Variants in SPTBN2 observed in about 807,000 individuals in gnomAD.
The protein encoded by SPTBN2 is spectrin beta, non-erythrocytic 2, also known as spectrin beta chain, non-erythrocytic 2.
SPTBN2 carries 107 observed loss-of-function variants against 284.2 expected under a neutral mutation model. That is an observed-to-expected ratio of 0.38 (90% CI 0.32 to 0.44). SPTBN2 has a LOEUF of 0.44. Among genes scored for constraint, SPTBN2 ranks in the 20% least tolerant of loss-of-function variants. SPTBN2 has a pLI of 1.00. For synonymous variants in SPTBN2, 1,289 were observed against 1,354.8 expected (o/e 0.95, Z 1.07); for missense variants, 2,569 against 3,287.1 (o/e 0.78, Z 5.34).
intron 3 of SPTBN2, among the ~76,000 whole-genome samples, chr11:66,716,474 C>T (rs1385612627): frequency 5.4e-5 from 8 of 148,294 alleles, no homozygotes; most frequent in Admixed American, 3.4e-4. Flanking sequence ...AGCAAGACTC[C>T]GTCTCAAAAA....
At position 66,718,898 on chromosome 11, in the gene SPTBN2, G is replaced by A. The variant is rs556736452; in HGVS notation, c.157+2186C>T. 3.9e-4 allele frequency among the ~76,000 whole-genome samples: 60 copies of A among 152,312 alleles called. No individual in the cohort carries two copies. The highest frequency in any genetic ancestry group is 7.5e-4 in the Non-Finnish European group (51 of 68,014). On this transcript the variant is annotated intron_variant, in intron 3 of 37. Coordinates refer to ENST00000533211, the MANE Select transcript of SPTBN2 (RefSeq NM_006946.4). This position sits in a 1 kb window ranked among gnomAD's most constrained non-coding sequence, Gnocchi z 4.8. ...GAGGGGAGAGAGGCGGAGTGTGGCC[G>A]GCGGGGGCAGGGCCAGGCCCTGCGG... is the stretch of plus-strand genomic sequence containing the variant.
intron 17 of SPTBN2, 36 bp from the exon 18 acceptor site, chr11:66,699,644 C>T (rs952119835): frequency 3.7e-6 from 6 of 1,610,094 alleles, no homozygotes; most frequent in Non-Finnish European, 5.1e-6. Context: ...TCATTTTCCC[C>T]AGCACAATTC....
exon 1 of SPTBN2, chr11:66,744,606 G>A (rs1300523686): frequency 4.2e-6 from 1 of 239,178 alleles, no homozygotes; most frequent in African/African-American, 2.3e-5. Flanking sequence ...CGGGCCCACT[G>A]GCACCCGCGG....
chr11:66,687,580 GCC>G lies in SPTBN2; in HGVS notation c.6567_6568del (p.Ala2190ProfsTer98). 6.2e-7 allele frequency: 1 copy of G among 1,611,116 alleles called. No individual in the cohort carries two copies. Among genetic ancestry groups the G allele is most frequent in the Non-Finnish European group, 8.5e-7 (1 of 1,179,626 alleles). ...CCTGCTCTGGGGCATTGCAGATGGG[GCC>G]GGGCCCCGAGTCCGGGTCTGCCTCT... is the stretch of plus-strand genomic sequence containing the variant. On this transcript the variant is annotated frameshift_variant, in exon 35 of 38. Transcript: ENST00000533211. LOFTEE classifies it high-confidence loss of function. This position sits in a 1 kb window ranked among gnomAD's most constrained non-coding sequence, Gnocchi z 5.2.
In SPTBN2 at chr11:66,687,912, G is replaced by C; in HGVS notation, c.6457C>G (p.Leu2153Val). Reference protein sequence around the residue: ...CTDGEPSQPLLGQQRLEHSSF... With the variant: ...CTDGEPSQPLVGQQRLEHSSF... The stretch of plus-strand genomic sequence containing the variant: ...CTGTGCTCAAGTCTCTGTTGTCCCA[G>C]CAGGGGCTGCAAGGACAAGAATCTG... Residue 2153 changes from leucine to valine, a missense_variant, in exon 34 of 38, where the codon CTG becomes GTG. Physicochemically the swap from Leu to Val is conservative, Grantham distance 32. Around this residue, in one of 6 missense-constraint regions of SPTBN2, gnomAD observed 1,130 missense variants for 1,317.3 expected, o/e 0.86. Transcript: ENST00000533211. This position sits in a 1 kb window ranked among gnomAD's most constrained non-coding sequence, Gnocchi z 5.2. 6.2e-7 allele frequency: 1 copy of C among 1,614,190 alleles called. No homozygotes were observed. Among genetic ancestry groups the C allele is most frequent in the Non-Finnish European group, 8.5e-7 (1 of 1,180,036 alleles).
At position 66,710,747 on chromosome 11, in the gene SPTBN2, G is replaced by C. The variant is rs749609256; in HGVS notation, c.908C>G (p.Ala303Gly). The change falls in exon 10 of 38, where the codon GCA (alanine) becomes GGA (glycine). Residue 303 changes from alanine (A) to glycine (G), a missense_variant. Ala to Gly is a moderately conservative substitution (Grantham distance 60, BLOSUM62 0). Coordinates refer to ENST00000533211, the MANE Select transcript of SPTBN2 (RefSeq NM_006946.4). This position sits in a 1 kb window ranked among gnomAD's most constrained non-coding sequence, Gnocchi z 4.9. ...CTCGTATTTCTCCACCAGGCGCTCTGCCTCCATGGCATGGTCCAGCACCTG... is the reference window on the plus strand; with the variant it reads ...CTCGTATTTCTCCACCAGGCGCTCTCCCTCCATGGCATGGTCCAGCACCTG... ...IGKVLDHAMEAERLVEKYESL... is the reference protein window; with the variant it reads ...IGKVLDHAMEGERLVEKYESL... 6.2e-7 allele frequency: 1 copy of C among 1,614,094 alleles called. No homozygotes were observed.
intron 29 of SPTBN2, 117 bp downstream of exon 29, chr11:66,689,688 G>A: frequency 6.7e-7 from 1 of 1,485,052 alleles, no homozygotes; most frequent in Middle Eastern, 2.3e-4. Context: ...ATGGCACTGA[G>A]GGGAGAGAAT....
At chr11:66,712,001 C>T (rs1328055132) in intron 8 of SPTBN2, among the ~76,000 whole-genome samples, 1 of 152,188 alleles carries the variant, frequency 6.6e-6, no homozygotes, top group African/African-American at 2.4e-5. Flanking sequence ...AGCAGGCGAG[C>T]CTTTCTCTCC....
At chr11:66,742,976 T>C (rs1942908593) in intron 1 of SPTBN2, among the ~76,000 whole-genome samples, 1 of 152,208 alleles carries the variant, frequency 6.6e-6, no homozygotes, top group Non-Finnish European at 1.5e-5. Context: ...ATAGTGACGA[T>C]AACAATTTTC....
intron 37 of SPTBN2, 138 bp downstream of exon 37, chr11:66,686,260 G>A: frequency 1.4e-6 from 2 of 1,399,576 alleles, no homozygotes; most frequent in Non-Finnish European, 2.0e-6. Context: ...GTGCGGCCTG[G>A]TGCGGCCGTC....
upstream of SPTBN2, among the ~76,000 whole-genome samples, chr11:66,732,651 CAA>C (rs58620927): frequency 3.2e-3 from 244 of 75,770 alleles, 1 homozygote; most frequent in East Asian, 0.013. Flanking sequence ...CTCTGTCTCT[CAA>C]AAAAAAAAAA....
rs1941243259 is a variant in SPTBN2 at position 66,701,457 on chromosome 11, A to G, written c.2816+127T>C. On this transcript the variant is annotated intron_variant, in intron 16 of 37. Coordinates refer to ENST00000533211, the MANE Select transcript of SPTBN2 (RefSeq NM_006946.4). Reference sequence around the variant, plus strand: ...CTTTCATCCTTTTTCCTTCCCCAACATATTCCAGACTGGTTTGCTTCCTCC... The same window carrying G: ...CTTTCATCCTTTTTCCTTCCCCAACGTATTCCAGACTGGTTTGCTTCCTCC... 9 of 1,558,424 alleles carry G rather than the reference A, an allele frequency of 5.8e-6. No homozygotes were observed. In the South Asian group the frequency reaches 9.1e-5, roughly 16 times the overall value.
In SPTBN2 at chr11:66,684,374, G is replaced by A. The variant is rs1160419430; in HGVS notation, c.*1497C>T. ...GTCTCAGCTGGGCATGGTGGCTCAC[G>A]CCTGTAATCCCAACAGTTTGAGGCC... is the stretch of plus-strand genomic sequence containing the variant. On this transcript the variant is annotated 3_prime_UTR_variant, in exon 38 of 38. Transcript: ENST00000533211. Among the ~76,000 whole-genome samples the A allele has an allele frequency of 6.6e-6, 1 of 152,142 alleles. No homozygotes were observed. The highest frequency in any genetic ancestry group is 6.5e-5 in the Admixed American group (1 of 15,276).
chr11:66,712,318 G>A (rs1421591713), intron 8 of SPTBN2, among the ~76,000 whole-genome samples: 2 of 152,234 alleles, frequency 1.3e-5, no homozygotes, highest in Non-Finnish European at 2.9e-5. Flanking sequence ...GGAGGCCGAG[G>A]TGGGCGGACC....
intron 25 of SPTBN2, 34 bp from the exon 26 acceptor site, chr11:66,692,774 T>G (rs780592706): frequency 2.6e-5 from 41 of 1,599,564 alleles, no homozygotes; most frequent in Middle Eastern, 3.3e-4. Flanking sequence ...CTGTGGGACT[T>G]AGGGGTGTAG....
At chr11:66,716,117 A>G in intron 3 of SPTBN2, 136 bp from the exon 4 acceptor site, 1 of 1,162,402 alleles carries the variant, frequency 8.6e-7, no homozygotes, top group South Asian at 1.3e-5. Flanking sequence ...GAAGGGAAGG[A>G]AGATGACCGG....
At chr11:66,696,174 G>A in intron 21 of SPTBN2, 103 bp downstream of exon 21, 1 of 1,418,762 alleles carries the variant, frequency 7.0e-7, no homozygotes, top group Non-Finnish European at 9.7e-7. Context: ...GGAAATGCTA[G>A]TGAAGGTGTT....
chr11:66,694,022 TC>T, intron 22 of SPTBN2, 116 bp downstream of exon 22: 1 of 1,385,254 alleles, frequency 7.2e-7, no homozygotes, highest in Non-Finnish European at 1.0e-6. Context: ...GGGGAGATGG[TC>T]AATGCCAAAG....
rs1207418397 is a variant in SPTBN2 at position 66,696,373 on chromosome 11, G to A, written c.4182C>T (p.Ala1394=). ...RAELFAQSCC[A]LESWLESLQA... is the part of the protein sequence containing the mutation. Reference sequence around the variant, plus strand: ...GCAGGCTCTCCAGCCAGCTCTCCAGGGCACAGCAGCTCTGGGCAAACAGCT... The same window carrying A: ...GCAGGCTCTCCAGCCAGCTCTCCAGAGCACAGCAGCTCTGGGCAAACAGCT... The change falls in exon 21 of 38, where the codon GCC becomes GCT. Residue 1394 remains alanine (A), a synonymous_variant. Transcript: ENST00000533211. 6.2e-7 allele frequency: 1 copy of A among 1,613,378 alleles called. No homozygotes were observed. Among genetic ancestry groups the A allele is most frequent in the Non-Finnish European group, 8.5e-7 (1 of 1,180,028 alleles).
Sources: gnomAD v4.1 joint callset for allele counts (sites outside exome capture counted in the v4.1 genomes callset) on GRCh38, gnomAD v4.1.1 for gene constraint, gnomAD v4.1.1 regional missense constraint, Gnocchi (gnomAD v3.1) non-coding constraint, MANE v1.5 for transcripts, NCBI Gene and HGNC (gene_info 2026-07-23, HGNC 2026-07-21) for gene names.